The following ZFHX3 variants were observed in gnomAD, a reference collection of about 807,000 sequenced individuals.
ZFHX3 encodes the protein zinc finger homeobox 3.
A neutral mutation model predicts 279.1 loss-of-function variants in ZFHX3; 42 were observed. That is an observed-to-expected ratio of 0.15 (90% CI 0.12 to 0.19). The LOEUF (loss-of-function observed/expected upper bound fraction) is 0.19, where lower values mean the gene tolerates loss of function less well. Among genes scored for constraint, ZFHX3 ranks in the 10% least tolerant of loss-of-function variants. ZFHX3 has a pLI of 1.00. For synonymous variants in ZFHX3, 2,293 were observed against 1,957.8 expected (o/e 1.17, Z -4.52); for missense variants, 4,981 against 4,754.0 (o/e 1.05, Z -1.40).
intron 1 of ZFHX3, among the ~76,000 whole-genome samples, chr16:73,029,414 T>C (rs1938481650): frequency 1.3e-5 from 2 of 152,204 alleles, no homozygotes; most frequent in Admixed American, 1.3e-4. Flanking sequence ...AAGAGCCTCC[T>C]AAAGCTCCCT....
chr16:73,479,923 C>A (rs1043139667), intron 2 of ZFHX3, among the ~76,000 whole-genome samples: 4 of 152,094 alleles, frequency 2.6e-5, no homozygotes, highest in Non-Finnish European at 4.4e-5. Flanking sequence ...TATGGCTGGG[C>A]AAATGGAGGC....
Position 72,982,095 on chromosome 16 carries a change from C to T in ZFHX3, c.-49-21901G>A, listed in dbSNP as rs546356221. Among the ~76,000 whole-genome samples the T allele has an allele frequency of 1.3e-4, 20 of 152,154 alleles. No homozygotes were observed. The East Asian group carries it at 3.9e-3, about 29-fold the overall frequency. ...ACAGGGTTTCACCATGTTGGCCAGG[C>T]TGGTCTTGAACTCCTGACCTCAGGT... On this transcript the variant is annotated intron_variant, in intron 1 of 9. Coordinates refer to ENST00000268489, the MANE Select transcript of ZFHX3 (RefSeq NM_006885.4).
intron 4 of ZFHX3, among the ~76,000 whole-genome samples, chr16:73,293,015 G>C (rs1256564812): frequency 6.6e-6 from 1 of 152,202 alleles, no homozygotes; most frequent in Non-Finnish European, 1.5e-5. Context: ...TCCAGAGAGA[G>C]CTTGTCCTAA....
intron 7 of ZFHX3, among the ~76,000 whole-genome samples, chr16:73,097,674 G>A (rs923442412): frequency 2.6e-5 from 4 of 151,978 alleles, no homozygotes; most frequent in African/African-American, 9.7e-5. Flanking sequence ...AACATTTCTC[G>A]TCACTCTAAA....
At chr16:72,943,642 G>C (rs1331063358) in intron 3 of ZFHX3, among the ~76,000 whole-genome samples, 1 of 152,206 alleles carries the variant, frequency 6.6e-6, no homozygotes, top group African/African-American at 2.4e-5. Flanking sequence ...ATCTGACAAT[G>C]AAAATGGAAA....
intron 5 of ZFHX3, among the ~76,000 whole-genome samples, chr16:73,182,943 G>T (rs1201311213): frequency 1.3e-5 from 2 of 152,190 alleles, no homozygotes; most frequent in South Asian, 2.1e-4. Flanking sequence ...GGTGGCTCAC[G>T]CCTGTAATCC....
chr16:73,069,904 C>T (rs1046127448), intron 8 of ZFHX3, among the ~76,000 whole-genome samples: 3 of 152,160 alleles, frequency 2.0e-5, no homozygotes, highest in Admixed American at 6.5e-5. Flanking sequence ...AGCCTTATTT[C>T]CAGGCATTTG....
At chr16:73,409,297 C>T (rs1203113436) in intron 3 of ZFHX3, among the ~76,000 whole-genome samples, 1 of 152,162 alleles carries the variant, frequency 6.6e-6, no homozygotes, top group East Asian at 1.9e-4. Context: ...GAGTCCTCAA[C>T]CCTGGGTGTG....
At chr16:72,971,577 G>A (rs1463673394) in intron 1 of ZFHX3, among the ~76,000 whole-genome samples, 1 of 152,042 alleles carries the variant, frequency 6.6e-6, no homozygotes, top group East Asian at 1.9e-4. Context: ...TGTCTGTATT[G>A]CCTTAGGATG....
intron 1 of ZFHX3, among the ~76,000 whole-genome samples, chr16:73,864,390 G>T (rs746681319): frequency 2.6e-5 from 4 of 152,180 alleles, no homozygotes; most frequent in Admixed American, 6.5e-5. Flanking sequence ...ACAGAGGTTA[G>T]AGTGGAACAA....
At chr16:72,900,630 C>T (rs2039011302) in intron 3 of ZFHX3, among the ~76,000 whole-genome samples, 1 of 152,168 alleles carries the variant, frequency 6.6e-6, no homozygotes. Flanking sequence ...TGGATGATGC[C>T]ACTGGTGTTC....
At chr16:73,769,055 C>T (rs902833104) in intron 1 of ZFHX3, among the ~76,000 whole-genome samples, 8 of 152,166 alleles carry the variant, frequency 5.3e-5, no homozygotes, top group Admixed American at 2.6e-4. Flanking sequence ...CATTGTTTAT[C>T]TGAAATTCGA....
intron 1 of ZFHX3, among the ~76,000 whole-genome samples, chr16:73,038,039 C>T (rs1361370385): frequency 1.3e-5 from 2 of 152,198 alleles, no homozygotes; most frequent in Non-Finnish European, 1.5e-5. Context: ...TCTTAGATCT[C>T]GGCCATTAGT....
intron 5 of ZFHX3, among the ~76,000 whole-genome samples, chr16:73,215,919 T>C (rs538794775): frequency 6.6e-6 from 1 of 152,232 alleles, no homozygotes; most frequent in South Asian, 2.1e-4. Context: ...TGGGTCTACA[T>C]GGAGACCTCA....
chr16:73,516,263 T>C (rs1451261668), intron 2 of ZFHX3, among the ~76,000 whole-genome samples: 1 of 152,214 alleles, frequency 6.6e-6, no homozygotes, highest in East Asian at 1.9e-4. Context: ...AGCATGTTCT[T>C]TGTAACCAGG....
intron 7 of ZFHX3, among the ~76,000 whole-genome samples, chr16:72,808,269 C>T (rs1223972269): frequency 6.6e-6 from 1 of 152,152 alleles, no homozygotes; most frequent in East Asian, 1.9e-4. Context: ...CATCAGTATT[C>T]CAGTCCTCAA....
intron 5 of ZFHX3, among the ~76,000 whole-genome samples, chr16:72,816,182 TATC>T (rs1329771268): frequency 1.3e-5 from 2 of 152,232 alleles, no homozygotes; most frequent in African/African-American, 4.8e-5. Flanking sequence ...ATATTACAGT[TATC>T]ATTTAAGTTC....
At chr16:73,615,785 C>G (rs139284404) in intron 2 of ZFHX3, among the ~76,000 whole-genome samples, 1 of 152,242 alleles carries the variant, frequency 6.6e-6, no homozygotes, top group East Asian at 1.9e-4. Flanking sequence ...GACTGACACT[C>G]GCAGAAACAC....
rs1361413488 is a variant in ZFHX3 at position 73,303,900 on chromosome 16, C to T, written c.-1194+14340G>A. ...AGGATTAAGAAACTGATTTGGAAGACATTGGCTCTGAATCACTAAGTGATG... is the reference window on the plus strand; with the variant it reads ...AGGATTAAGAAACTGATTTGGAAGATATTGGCTCTGAATCACTAAGTGATG... On this transcript the variant is annotated intron_variant, in intron 4 of 17. Transcript: ENST00000641206. Among the ~76,000 whole-genome samples, 5 of 129,132 alleles carry T rather than the reference C, an allele frequency of 3.9e-5. No homozygotes were observed. The East Asian group carries it at 7.0e-4, about 18-fold the overall frequency. The allele number at this position is 129,132 out of a possible 152,430, so 84.7% of individuals were successfully genotyped here.
Sources: gnomAD v4.1 joint callset for allele counts (sites outside exome capture counted in the v4.1 genomes callset) on GRCh38, gnomAD v4.1.1 for gene constraint, MANE v1.5 for transcripts, NCBI Gene and HGNC (gene_info 2026-07-23, HGNC 2026-07-21) for gene names.